The following MASP2 variants were observed in gnomAD, a reference collection of about 807,000 sequenced individuals.
MASP2 encodes mannan-binding lectin serine protease 2.
In MASP2, 49 loss-of-function variants were observed where a neutral mutation model predicts 57.1. The observed-to-expected ratio is 0.86, with a 90% CI of 0.68 to 1.09. The LOEUF is 1.09. MASP2 is among the 50% of genes least tolerant of loss of function. MASP2 has a pLI of 0.00. For missense variants in MASP2, 900 were observed against 874.8 expected (o/e 1.03, Z -0.36); for synonymous variants, 379 against 340.8 (o/e 1.11, Z -1.24).
At chr1:11,035,804 G>A (rs1352889108) in intron 7 of MASP2, among the ~76,000 whole-genome samples, 2 of 151,152 alleles carry the variant, frequency 1.3e-5, no homozygotes, top group Admixed American at 1.3e-4. Flanking sequence ...GCTGGGGTGA[G>A]AGGATTGCTT....
At chr1:11,035,103 C>T (rs1051104630) in intron 7 of MASP2, among the ~76,000 whole-genome samples, 197 bp from the exon 8 acceptor site, 2 of 152,104 alleles carry the variant, frequency 1.3e-5, no homozygotes, top group African/African-American at 2.4e-5. Flanking sequence ...CCCACCGCCT[C>T]GGTGCACGTC....
intron 6 of MASP2, among the ~76,000 whole-genome samples, chr1:11,041,689 G>GATAGATAGATAGATAGATAGACAGACAGA (rs1156335416): frequency 6.6e-6 from 1 of 151,588 alleles, no homozygotes; most frequent in Non-Finnish European, 1.5e-5. Context: ...ATGGCTGGAA[G>GATAGATAGATAGATAGATAGACAGACAGA]TATGGGTGAG....
In MASP2 at chr1:11,037,705, A is replaced by G. The variant is rs751486650; in HGVS notation, c.996T>C (p.Tyr332=). ...TGTTTTAACTCACTTGCAGAAGCTC[A>G]TAGCCAGTCTCGCAAAAGATGGAGA... ...DSFSIFCETG[Y]ELLQGHLPLK... is the part of the protein sequence containing the mutation. Residue 332 remains tyrosine (Y), a synonymous_variant, in exon 7 of 11, where the codon TAT becomes TAC. Coordinates refer to ENST00000400897, the MANE Select transcript of MASP2 (RefSeq NM_006610.4). 6 of 1,608,950 alleles carry G rather than the reference A, an allele frequency of 3.7e-6. No individual in the cohort carries two copies. The highest frequency in any genetic ancestry group is 3.4e-5 in the Admixed American group (2 of 59,070).
intron 10 of MASP2, among the ~76,000 whole-genome samples, chr1:11,028,569 T>C (rs1643778950): frequency 6.6e-6 from 1 of 152,196 alleles, no homozygotes; most frequent in African/African-American, 2.4e-5. Flanking sequence ...ATGTAGCATA[T>C]ATGTTTGCTG....
chr1:11,036,684 A>G (rs1173501779), intron 7 of MASP2, among the ~76,000 whole-genome samples: 1 of 133,556 alleles, frequency 7.5e-6, no homozygotes, highest in Admixed American at 8.2e-5. Flanking sequence ...ATACCTAGCT[A>G]TCGTTCCAAT....
At chr1:11,038,410 G>A (rs1046630386) in intron 6 of MASP2, among the ~76,000 whole-genome samples, 4 of 152,248 alleles carry the variant, frequency 2.6e-5, no homozygotes, top group Middle Eastern at 3.4e-3. Context: ...GAGAAAAACC[G>A]GCTGACAGAC....
chr1:11,036,510 C>A lies in MASP2; in HGVS notation c.1008+1183G>T, dbSNP rs1347988994. 7.2e-4 allele frequency among the ~76,000 whole-genome samples: 39 copies of A among 54,342 alleles called. No homozygotes were observed. In the South Asian group the frequency reaches 8.0e-3, roughly 11 times the overall value. The allele number at this position is 54,342 out of a possible 152,430, so 35.7% of individuals were successfully genotyped here. On this transcript the variant is annotated intron_variant, in intron 7 of 10. Coordinates refer to ENST00000400897, the MANE Select transcript of MASP2 (RefSeq NM_006610.4). ...TGGGCGACAGAGCGAGACTCCGTCT[C>A]AAAAAAAAAAAAAAAAAAAAAAAAA...
rs768403060 is a variant in MASP2 at position 11,043,354 on chromosome 1, G to T, written c.726C>A (p.Pro242=). The T allele has an allele frequency of 4.0e-5, 65 of 1,607,310 alleles. No homozygotes were observed. The highest frequency in any genetic ancestry group is 8.4e-5 in the Admixed American group (5 of 59,202). Residue 242 remains proline, a synonymous_variant, in exon 5 of 11, where the codon CCC becomes CCA. Transcript: ENST00000400897. ...GGAGCCAGACCTTGAGAAAGTCGTA[G>T]GGACACAGGGTTTCAGGGTGTGTCT... The part of the protein sequence containing the change: ...DVETHPETLC[P]YDFLKIQTDR...
chr1:11,043,955 G>A (rs556594725), intron 4 of MASP2, among the ~76,000 whole-genome samples: 1 of 152,134 alleles, frequency 6.6e-6, no homozygotes, highest in South Asian at 2.1e-4. Flanking sequence ...GGAGGAAGAA[G>A]GGACACTCTC....
intron 7 of MASP2, among the ~76,000 whole-genome samples, chr1:11,036,629 CTTTTTTTTTT>C (rs748876362): frequency 9.1e-6 from 1 of 110,262 alleles, no homozygotes; most frequent in Non-Finnish European, 1.9e-5. Context: ...AAGTGTCTCT[CTTTTTTTTTT>C]TTTTTTTTTG....
In MASP2 at chr1:11,027,535, C is replaced by T. The variant is rs1203416510; in HGVS notation, c.1411G>A (p.Ala471Thr). The T allele has an allele frequency of 8.1e-6, 13 of 1,614,064 alleles. No individual in the cohort carries two copies. Among genetic ancestry groups the T allele is most frequent in the South Asian group, 1.1e-5 (1 of 91,088 alleles). Residue 471 changes from alanine to threonine, a missense_variant, in exon 11 of 11, where the codon GCA (alanine) becomes ACA (threonine). Physicochemically the swap from Ala to Thr is moderately conservative, Grantham distance 58. Transcript: ENST00000400897. The stretch of plus-strand genomic sequence containing the variant: ...AGGACCCAGTTGTCATATAAAAGTG[C>T]ACCTGCTGCTGTGGTTCCACCTAAT... Reference protein sequence around the residue: ...LILGGTTAAGALLYDNWVLTA... With the variant: ...LILGGTTAAGTLLYDNWVLTA...
At chr1:11,041,404 G>GATGGATGGGTGGATGGATGGA (rs1638430139) in intron 6 of MASP2, among the ~76,000 whole-genome samples, 5 of 120,742 alleles carry the variant, frequency 4.1e-5, no homozygotes, top group Admixed American at 8.2e-5. Context: ...GGATGGATGA[G>GATGGATGGGTGGATGGATGGA]TGGATGGATG....
intron 7 of MASP2, among the ~76,000 whole-genome samples, chr1:11,037,464 A>T (rs1178330579): frequency 2.0e-5 from 3 of 151,850 alleles, no homozygotes; most frequent in African/African-American, 7.3e-5. Context: ...TTTAAAGTTA[A>T]GTATAAAGAA....
At chr1:11,028,552 C>T (rs997303275) in intron 10 of MASP2, among the ~76,000 whole-genome samples, 1 of 151,972 alleles carries the variant, frequency 6.6e-6, no homozygotes, top group African/African-American at 2.4e-5. Flanking sequence ...ATTAAATACG[C>T]CCATTAATGT....
rs370379056 is a variant in MASP2, at chr1:11,045,381, C to A, written c.544+27G>T. 5 of 1,611,960 alleles carry A rather than the reference C, an allele frequency of 3.1e-6. No homozygotes were observed. The Admixed American group carries it at 5.0e-5, about 16-fold the overall frequency. On this transcript the variant is annotated intron_variant, in intron 4 of 10. Transcript: ENST00000400897. ...GCCCCGGGTATCCCAGGAGAGGGTG[C>A]GTTGGGGCCCAGGCAGCCTCCCTCA... is the stretch of plus-strand genomic sequence containing the variant.
At position 11,045,496 on chromosome 1, in the gene MASP2, G is replaced by C. The variant is rs764562810; in HGVS notation, c.456C>G (p.Cys152Trp). 1.2e-6 allele frequency: 2 copies of C among 1,609,770 alleles called. No homozygotes were observed. The highest frequency in any genetic ancestry group is 2.2e-5 in the South Asian group (2 of 90,986). ...CQVAPGEAPTCDHHCHNHLGG... is the reference protein window; with the variant it reads ...CQVAPGEAPTWDHHCHNHLGG... ...CCAGGTGGTTGTGGCAGTGGTGGTCGCAGGTGGGCGCCTCTCCCGGGGCCA... is the reference window on the plus strand; with the variant it reads ...CCAGGTGGTTGTGGCAGTGGTGGTCCCAGGTGGGCGCCTCTCCCGGGGCCA... Residue 152 changes from cysteine to tryptophan, a missense_variant, in exon 4 of 11, where the codon TGC becomes TGG. Cys to Trp is a radical substitution (Grantham distance 215, BLOSUM62 -2). Transcript: ENST00000400897.
At chr1:11,037,851 C>A in intron 6 of MASP2, 40 bp from the exon 7 acceptor site, 1 of 1,219,038 alleles carries the variant, frequency 8.2e-7, no homozygotes, top group South Asian at 1.3e-5. Flanking sequence ...TTCATGTGGT[C>A]TACAGCAGCC....
chr1:11,043,058 G>C, intron 5 of MASP2, 36 bp from the exon 6 acceptor site: 1 of 1,608,528 alleles, frequency 6.2e-7, no homozygotes. Flanking sequence ...GGGAGCAGCT[G>C]CCTGGGTCTG....
chr1:11,046,741 G>A lies in MASP2; in HGVS notation c.235-8C>T, dbSNP rs753721429. The A allele has an allele frequency of 1.7e-5, 28 of 1,609,994 alleles. No homozygotes were observed. Among genetic ancestry groups the A allele is most frequent in the Non-Finnish European group, 2.1e-5 (25 of 1,178,498 alleles). On this transcript the variant is annotated splice_polypyrimidine_tract_variant and splice_region_variant and intron_variant, in intron 2 of 10. Coordinates refer to ENST00000400897, the MANE Select transcript of MASP2 (RefSeq NM_006610.4). ...CTTGGCCCCCGAGCTCAGCTGTGGGGTCAGGTGTCACAGGGAGTGAAGGCA... is the reference window on the plus strand; with the variant it reads ...CTTGGCCCCCGAGCTCAGCTGTGGGATCAGGTGTCACAGGGAGTGAAGGCA...
Sources: allele counts gnomAD v4.1 joint callset (sites outside exome capture counted in the v4.1 genomes callset), GRCh38; gene constraint gnomAD v4.1.1; transcripts MANE v1.5; gene names NCBI Gene and HGNC (gene_info 2026-07-23, HGNC 2026-07-21).